The following PCNX3 variants were observed in gnomAD, a reference collection of about 807,000 sequenced individuals.
PCNX3 encodes the protein pecanex 3.
PCNX3 carries 58 observed loss-of-function variants against 207.2 expected under a neutral mutation model. That is an observed-to-expected ratio of 0.28 (90% confidence interval 0.23 to 0.35). PCNX3 has a LOEUF of 0.35. Among genes scored for constraint, PCNX3 ranks in the 10% least tolerant of loss-of-function variants. PCNX3 has a pLI of 1.00. For missense variants in PCNX3, 2,410 were observed against 2,774.4 expected (o/e 0.87, Z 2.95); for synonymous variants, 1,337 against 1,183.5 (o/e 1.13, Z -2.66).
chr11:65,625,562 G>C lies in PCNX3; in HGVS notation c.3135+52G>C. ...TGGGGAGGTGGTGACAGGTCCTGGG[G>C]TTCCTGGGAGGGGCATGTCCAGCTT... On this transcript the variant is annotated intron_variant, in intron 18 of 34. Coordinates refer to ENST00000355703, the MANE Select transcript of PCNX3 (RefSeq NM_032223.4). This position sits in a 1 kb window ranked among gnomAD's most constrained non-coding sequence, Gnocchi z 5.6. 6.4e-7 allele frequency: 1 copy of C among 1,574,050 alleles called. No homozygotes were observed. The highest frequency in any genetic ancestry group is 1.1e-5 in the South Asian group (1 of 87,566).
rs1411635530 is a variant in PCNX3 at position 65,626,966 on chromosome 11, C to G, written c.3442C>G (p.Leu1148Val). The change falls in exon 21 of 35, where the codon CTC (leucine) becomes GTC (valine). Residue 1148 changes from leucine (L) to valine (V), a missense_variant. Around this residue, in one of 8 missense-constraint regions of PCNX3, gnomAD observed 333 missense variants for 386.8 expected, o/e 0.86. Coordinates refer to ENST00000355703, the MANE Select transcript of PCNX3 (RefSeq NM_032223.4). The part of the protein sequence containing the change: ...YAGLQCVEKY[L>V]IYPAVVLNAL... ...TGGCCTGCAGTGCGTAGAGAAGTAC[C>G]TCATCTACCCCGCCGTGGTGCTCAA... 1 of 1,568,298 alleles carries G rather than the reference C, an allele frequency of 6.4e-7. No individual in the cohort carries two copies. Among genetic ancestry groups the G allele is most frequent in the African/African-American group, 1.4e-5 (1 of 73,720 alleles).
chr11:65,628,928 G>A lies in PCNX3; in HGVS notation c.3921G>A (p.Lys1307=), dbSNP rs1855510633. The change falls in exon 24 of 35, where the codon AAG becomes AAA. Residue 1307 remains lysine (K), a synonymous_variant. Transcript: ENST00000355703. ...TCATGTCCTACGCTCGGCCCCTCAA[G>A]TTCTGGGAGCGCGACTACAAGTGAG... ...VFIMSYARPL[K]FWERDYNTKR... 1.2e-6 allele frequency: 2 copies of A among 1,612,204 alleles called. No homozygotes were observed. The highest frequency in any genetic ancestry group is 8.5e-7 in the Non-Finnish European group (1 of 1,179,840).
At position 65,637,098 on chromosome 11, in the gene PCNX3, C is replaced by T. The variant is rs947677279; in HGVS notation, c.*120C>T. On this transcript the variant is annotated 3_prime_UTR_variant, in exon 35 of 35. Transcript: ENST00000355703. ...TACATGTCTGAACCCTGACCTTTGG[C>T]TGCCTTGGCCAGAGTACCAAAACTG... 1.7e-6 allele frequency: 2 copies of T among 1,154,280 alleles called. No individual in the cohort carries two copies. The highest frequency in any genetic ancestry group is 5.2e-5 in the East Asian group (2 of 38,770). The allele number at this position is 1,154,280 out of a possible 1,614,324, so 71.5% of individuals were successfully genotyped here.
At chr11:65,631,501 A>G (rs1442440932) in intron 27 of PCNX3, among the ~76,000 whole-genome samples, 4 of 152,170 alleles carry the variant, frequency 2.6e-5, no homozygotes, top group African/African-American at 9.7e-5. Flanking sequence ...TACTAAAAAT[A>G]CAAAATAATT....
Position 65,636,271 on chromosome 11 carries a change from C to T in PCNX3, c.5557C>T (p.Pro1853Ser), listed in dbSNP as rs756934167. 1 of 1,600,736 alleles carries T rather than the reference C, an allele frequency of 6.2e-7. No individual in the cohort carries two copies. Among genetic ancestry groups the T allele is most frequent in the South Asian group, 1.1e-5 (1 of 89,328 alleles). Reference sequence around the variant, plus strand: ...TGGCCTGACCTCCCTCAGCAATAACCCCCCCGTGGCACACCCCACACCTGA... The same window carrying T: ...TGGCCTGACCTCCCTCAGCAATAACTCCCCCGTGGCACACCCCACACCTGA... ...GGGLTSLSNN[P>S]PVAHPTPENT... is the part of the protein sequence containing the mutation. The change falls in exon 33 of 35, where the codon CCC becomes TCC. Residue 1853 changes from proline (P) to serine (S), a missense_variant. By Grantham distance (74) the Pro-to-Ser change is moderately conservative. Coordinates refer to ENST00000355703, the MANE Select transcript of PCNX3 (RefSeq NM_032223.4).
In PCNX3 at chr11:65,619,769, T is replaced by C; in HGVS notation, c.1845T>C (p.Ala615=). ...MGSPPSSLQE[A]QRGRAASHSR... Reference sequence around the variant, plus strand: ...CCCTCTCCAGCAGCCTGCAGGAAGCTCAGCGGGGCCGGGCTGCCTCCCACT... The same window carrying C: ...CCCTCTCCAGCAGCCTGCAGGAAGCCCAGCGGGGCCGGGCTGCCTCCCACT... The change falls in exon 8 of 35, where the codon GCT becomes GCC. Residue 615 remains alanine (A), a synonymous_variant. Coordinates refer to ENST00000355703, the MANE Select transcript of PCNX3 (RefSeq NM_032223.4). The C allele has an allele frequency of 6.4e-7, 1 of 1,573,188 alleles. No individual in the cohort carries two copies. The highest frequency in any genetic ancestry group is 8.6e-7 in the Non-Finnish European group (1 of 1,166,226).
At position 65,635,078 on chromosome 11, in the gene PCNX3, C is replaced by T. The variant is rs774987085; in HGVS notation, c.4911C>T (p.Arg1637=). 40 of 1,613,798 alleles carry T rather than the reference C, an allele frequency of 2.5e-5. No homozygotes were observed. The highest frequency in any genetic ancestry group is 3.1e-5 in the Non-Finnish European group (36 of 1,179,820). ...WVFADMDLLH[R]VVAPGVRMAL... is the part of the protein sequence containing the mutation. The stretch of plus-strand genomic sequence containing the variant: ...TTGCCGACATGGACCTGCTTCACCG[C>T]GTTGTGGCGCCTGGGGTTCGCATGG... Residue 1637 remains arginine, a synonymous_variant, in exon 30 of 35, where the codon CGC becomes CGT. Coordinates refer to ENST00000355703, the MANE Select transcript of PCNX3 (RefSeq NM_032223.4). This position sits in a 1 kb window ranked among gnomAD's most constrained non-coding sequence, Gnocchi z 9.9.
chr11:65,627,336 G>A, intron 21 of PCNX3, 69 bp from the exon 22 acceptor site: 1 of 1,511,376 alleles, frequency 6.6e-7, no homozygotes, highest in Non-Finnish European at 8.9e-7. Flanking sequence ...GAGTAGGCGA[G>A]GGATGGGACA....
chr11:65,623,385 T>G (rs1326026115), intron 11 of PCNX3, 106 bp from the exon 12 acceptor site: 18 of 1,399,922 alleles, frequency 1.3e-5, no homozygotes, highest in Admixed American at 2.8e-5. Context: ...GGGTCTGGCA[T>G]GGGCACAGTC....
chr11:65,616,982 G>C lies in PCNX3; in HGVS notation c.312G>C (p.Glu104Asp). The change falls in exon 2 of 35, where the codon GAG becomes GAC. Residue 104 changes from glutamate (E) to aspartate (D), a missense_variant. By Grantham distance (45) the Glu-to-Asp change is conservative. This residue lies in a region of PCNX3 where 1,104 missense variants were observed against 970.3 expected (regional missense o/e 1.14). Coordinates refer to ENST00000355703, the MANE Select transcript of PCNX3 (RefSeq NM_032223.4). ...RSSTMGELEE[E>D]PAQGDSNPPR... ...CTACCATGGGGGAGCTGGAGGAAGA[G>C]CCTGCCCAGGGGGACAGCAATCCAC... 2.5e-6 allele frequency: 4 copies of C among 1,612,222 alleles called. No individual in the cohort carries two copies. The highest frequency in any genetic ancestry group is 3.4e-6 in the Non-Finnish European group (4 of 1,179,512).
At chr11:65,619,117 TG>T in intron 6 of PCNX3, 50 bp downstream of exon 6, 1 of 1,468,634 alleles carries the variant, frequency 6.8e-7, no homozygotes, top group Non-Finnish European at 9.2e-7. Context: ...GCTACGGGCT[TG>T]GGGTTGGGCA....
rs769414477 is a variant in PCNX3, at chr11:65,636,652, C to T, written c.5855C>T (p.Ala1952Val). 1.3e-6 allele frequency: 2 copies of T among 1,583,954 alleles called. No homozygotes were observed. The highest frequency in any genetic ancestry group is 2.3e-5 in the East Asian group (1 of 43,836). ...CTGGGAGGATCTGACGGGGAGCCAGCCTCAGGGAGCCCCAAAGGAGGTACC... is the reference window on the plus strand; with the variant it reads ...CTGGGAGGATCTGACGGGGAGCCAGTCTCAGGGAGCCCCAAAGGAGGTACC... Reference protein sequence around the residue: ...KGLGGSDGEPASGSPKGGTPK... With the variant: ...KGLGGSDGEPVSGSPKGGTPK... Residue 1952 changes from alanine (A) to valine (V), a missense_variant, in exon 34 of 35, where the codon GCC (alanine) becomes GTC (valine). Transcript: ENST00000355703.
Position 65,618,696 on chromosome 11 carries a change from A to G in PCNX3, c.1334A>G (p.Asp445Gly). Residue 445 changes from aspartate to glycine, a missense_variant, in exon 6 of 35, where the codon GAC becomes GGC. Around this residue, in one of 8 missense-constraint regions of PCNX3, gnomAD observed 1,104 missense variants for 970.3 expected, o/e 1.14. Transcript: ENST00000355703. ...SLRSQRRYST[D>G]SSSSTSCYSP... is the part of the protein sequence containing the mutation. Reference sequence around the variant, plus strand: ...CGATCGCAGCGCCGCTACAGTACTGACAGCTCCTCTTCTACTTCCTGCTAC... The same window carrying G: ...CGATCGCAGCGCCGCTACAGTACTGGCAGCTCCTCTTCTACTTCCTGCTAC... The G allele has an allele frequency of 6.2e-7, 1 of 1,613,086 alleles. No individual in the cohort carries two copies. The highest frequency in any genetic ancestry group is 1.1e-5 in the South Asian group (1 of 91,078).
intron 20 of PCNX3, 166 bp from the exon 21 acceptor site, chr11:65,626,738 T>G (rs1169268321): frequency 1.1e-6 from 1 of 934,112 alleles, no homozygotes; most frequent in Non-Finnish European, 1.6e-6. Context: ...GTGGAGCCCT[T>G]GCCCTGCTGG....
At chr11:65,634,068 T>G in intron 27 of PCNX3, 58 bp from the exon 28 acceptor site, 2 of 1,477,362 alleles carry the variant, frequency 1.4e-6, no homozygotes, top group Non-Finnish European at 1.8e-6. Context: ...CCTCCATGCT[T>G]TCTCCTCCAG....
In PCNX3 at chr11:65,626,534, C is replaced by T. The variant is rs1409361769; in HGVS notation, c.3380-370C>T. On this transcript the variant is annotated intron_variant, in intron 20 of 34. Coordinates refer to ENST00000355703, the MANE Select transcript of PCNX3 (RefSeq NM_032223.4). ...AAGATTTTGCTTCCCAGACTAGCAT[C>T]CCTCTGTGGCTACAACCAGCCTGAA... 1.4e-5 allele frequency: 6 copies of T among 418,724 alleles called. No homozygotes were observed. The East Asian group carries it at 3.3e-4, about 23-fold the overall frequency. 25.9% of individuals were successfully genotyped at this position (418,724 alleles called of 1,614,324 possible).
Position 65,625,402 on chromosome 11 carries a change from C to CA in PCNX3, c.3030-2dup. 4.4e-6 allele frequency: 7 copies of CA among 1,602,836 alleles called. No individual in the cohort carries two copies. The highest frequency in any genetic ancestry group is 5.9e-6 in the Non-Finnish European group (7 of 1,178,108). On this transcript the variant is annotated splice_region_variant and splice_polypyrimidine_tract_variant and intron_variant, in intron 17 of 34. Coordinates refer to ENST00000355703, the MANE Select transcript of PCNX3 (RefSeq NM_032223.4). This position sits in a 1 kb window ranked among gnomAD's most constrained non-coding sequence, Gnocchi z 5.6. ...CCTCCTCCTGACTCTTCCTCACCCC[C>CA]AGGTCTCTGATCCGGAGCAAGCTGT...
At chr11:65,619,299 C>G in intron 6 of PCNX3, 1 of 444,760 alleles carries the variant, frequency 2.2e-6, no homozygotes, top group Non-Finnish European at 3.0e-6. Flanking sequence ...CCCCTGAGGA[C>G]TCTCATCATC....
At chr11:65,622,911 A>G (rs554542672) in intron 11 of PCNX3, among the ~76,000 whole-genome samples, 2 of 151,010 alleles carry the variant, frequency 1.3e-5, no homozygotes, top group Non-Finnish European at 3.0e-5. Context: ...CATCCTATTC[A>G]CTTTTTTTTT....
Sources: gnomAD v4.1 joint callset for allele counts (sites outside exome capture counted in the v4.1 genomes callset) on GRCh38, gnomAD v4.1.1 for gene constraint, gnomAD v4.1.1 regional missense constraint, Gnocchi (gnomAD v3.1) non-coding constraint, MANE v1.5 for transcripts, NCBI Gene and HGNC (gene_info 2026-07-23, HGNC 2026-07-21) for gene names.